Variants in DECR1 observed in about 807,000 individuals in gnomAD.
DECR1 encodes the protein 2,4-dienoyl-CoA reductase [(3E)-enoyl-CoA-producing], mitochondrial.
Under a neutral mutation model 38.8 loss-of-function variants are expected in DECR1, and 44 were observed. The observed-to-expected ratio is 1.13, with a 90% CI of 0.89 to 1.46. The LOEUF is 1.46. Among genes scored for constraint, DECR1 ranks in the 40% most tolerant of loss-of-function variants. The probability of loss-of-function intolerance (pLI) is 0.00; values close to 1 mark genes in which losing one functional copy is unlikely to be tolerated. For missense variants in DECR1, 428 were observed against 405.5 expected (o/e 1.06, Z -0.48); for synonymous variants, 148 against 135.2 (o/e 1.09, Z -0.66).
chr8:90,010,151 C>G (rs1314730929), intron 1 of DECR1, among the ~76,000 whole-genome samples: 1 of 152,162 alleles, frequency 6.6e-6, no homozygotes, highest in Non-Finnish European at 1.5e-5. Flanking sequence ...TATCAGTGGC[C>G]TCTGTTCAGT....
rs57505716 is a variant in DECR1, at chr8:90,013,399, G to GTTTTTTTT, written c.70-3709_70-3702dup. On this transcript the variant is annotated intron_variant, in intron 1 of 9. Transcript: ENST00000220764. ...AAATAAAAGCCTTGCCTCTTCTTTC[G>GTTTTTTTT]TTTTTTTTTTTTTTTTTTTTTTTGT... Among the ~76,000 whole-genome samples the GTTTTTTTT allele has an allele frequency of 5.9e-3, 459 of 77,972 alleles. 2 individuals are homozygous for GTTTTTTTT. Among genetic ancestry groups the GTTTTTTTT allele is most frequent in the African/African-American group, 0.015 (307 of 20,146 alleles). The allele number at this position is 77,972 out of a possible 152,430, so 51.2% of individuals were successfully genotyped here.
intron 1 of DECR1, among the ~76,000 whole-genome samples, chr8:90,002,229 C>T (rs969749582): frequency 1.3e-5 from 2 of 152,140 alleles, no homozygotes; most frequent in African/African-American, 4.8e-5. Flanking sequence ...TGACCTTTGA[C>T]GTCCTTTGTT....
intron 1 of DECR1, 137 bp from the exon 2 acceptor site, chr8:90,016,987 C>T (rs1293759662): frequency 9.4e-6 from 6 of 636,938 alleles, no homozygotes; most frequent in Admixed American, 2.9e-5. Flanking sequence ...TAATTAAGTA[C>T]AATACCAATA....
At chr8:90,005,540 G>C (rs983454867) in intron 1 of DECR1, 13 of 427,718 alleles carry the variant, frequency 3.0e-5, no homozygotes, top group African/African-American at 8.1e-5. Flanking sequence ...TCCCGAAGTA[G>C]GCGGACTTAC....
chr8:90,042,754 A>G lies in DECR1; in HGVS notation c.692A>G (p.Tyr231Cys). The G allele has an allele frequency of 1.9e-6, 3 of 1,613,612 alleles. No individual in the cohort carries two copies. Among genetic ancestry groups the G allele is most frequent in the Non-Finnish European group, 2.5e-6 (3 of 1,179,646 alleles). ...TCTCTTGCAGCTGAATGGGGTAAAT[A>G]TGGAATGCGATTCAATGTGATTCAA... is the stretch of plus-strand genomic sequence containing the variant. ...SKSLAAEWGK[Y>C]GMRFNVIQPG... Residue 231 changes from tyrosine (Y) to cysteine (C), a missense_variant, in exon 7 of 10, where the codon TAT becomes TGT. By Grantham distance (194) the Tyr-to-Cys change is radical. Transcript: ENST00000220764.
chr8:90,040,996 G>C (rs1487746734), intron 6 of DECR1, among the ~76,000 whole-genome samples: 4 of 152,124 alleles, frequency 2.6e-5, no homozygotes, highest in African/African-American at 2.4e-5. Context: ...CCCAGTAATG[G>C]GATGGCTGGG....
chr8:90,010,930 C>T (rs1430749200), intron 1 of DECR1, among the ~76,000 whole-genome samples: 1 of 151,908 alleles, frequency 6.6e-6, no homozygotes, highest in African/African-American at 2.4e-5. Context: ...ATTCAGTTTT[C>T]TGTTAGCTAT....
chr8:90,030,912 G>A (rs566388124), intron 5 of DECR1, among the ~76,000 whole-genome samples: 67 of 152,172 alleles, frequency 4.4e-4, no homozygotes, highest in Non-Finnish European at 7.4e-4. Flanking sequence ...TGATGGGAGA[G>A]TTCAACCTCA....
chr8:90,006,860 G>A (rs1383985205), intron 1 of DECR1, among the ~76,000 whole-genome samples: 2 of 152,176 alleles, frequency 1.3e-5, no homozygotes, highest in African/African-American at 4.8e-5. Flanking sequence ...AATGTATGGG[G>A]TAAGATGAAG....
intron 8 of DECR1, among the ~76,000 whole-genome samples, chr8:90,051,196 G>T (rs1814080572): frequency 1.3e-5 from 2 of 151,516 alleles, no homozygotes; most frequent in Admixed American, 1.3e-4. Flanking sequence ...AAGAAAAGAG[G>T]TTTAATTGAT....
At chr8:90,025,935 C>T (rs568919807) in intron 5 of DECR1, among the ~76,000 whole-genome samples, 6 of 152,022 alleles carry the variant, frequency 3.9e-5, no homozygotes, top group East Asian at 3.9e-4. Flanking sequence ...GCATGAAGGG[C>T]GGTTGAATTT....
chr8:90,044,371 A>G (rs930346531), intron 7 of DECR1, among the ~76,000 whole-genome samples: 3 of 152,202 alleles, frequency 2.0e-5, no homozygotes, highest in African/African-American at 7.2e-5. Flanking sequence ...TTGTTTGGCC[A>G]ATTTAGTTGT....
At chr8:90,016,535 A>T (rs968457524) in intron 1 of DECR1, among the ~76,000 whole-genome samples, 8 of 152,132 alleles carry the variant, frequency 5.3e-5, no homozygotes, top group African/African-American at 1.9e-4. Flanking sequence ...TCTACTCGGG[A>T]GGCTGAGGCA....
chr8:90,049,141 C>G (rs1482290246), intron 8 of DECR1, among the ~76,000 whole-genome samples: 1 of 152,184 alleles, frequency 6.6e-6, no homozygotes, highest in African/African-American at 2.4e-5. Flanking sequence ...CCTCTCTCAC[C>G]ACTCCTATTC....
At chr8:90,039,139 G>A (rs1386556297) in intron 6 of DECR1, among the ~76,000 whole-genome samples, 1 of 152,102 alleles carries the variant, frequency 6.6e-6, no homozygotes, top group Non-Finnish European at 1.5e-5. Flanking sequence ...TACTAAATAA[G>A]GCATTATAGG....
At chr8:90,014,209 T>C (rs1451785090) in intron 1 of DECR1, among the ~76,000 whole-genome samples, 4 of 152,222 alleles carry the variant, frequency 2.6e-5, no homozygotes, top group African/African-American at 7.2e-5. Context: ...TGAAAATCTT[T>C]AAAAGCCTGT....
At chr8:90,018,374 A>G (rs1244117251) in intron 2 of DECR1, among the ~76,000 whole-genome samples, 1 of 152,208 alleles carries the variant, frequency 6.6e-6, no homozygotes, top group Non-Finnish European at 1.5e-5. Flanking sequence ...CACCATTTTG[A>G]ATGGTGTAAA....
intron 5 of DECR1, among the ~76,000 whole-genome samples, chr8:90,024,537 A>T (rs1241064903): frequency 6.6e-6 from 1 of 152,006 alleles, no homozygotes; most frequent in Non-Finnish European, 1.5e-5. Context: ...TGTCTGTTCA[A>T]ATCCTTCGCC....
intron 5 of DECR1, among the ~76,000 whole-genome samples, chr8:90,030,954 C>T (rs1813479554): frequency 6.6e-6 from 1 of 151,914 alleles, no homozygotes; most frequent in African/African-American, 2.4e-5. Flanking sequence ...AACTGTGTAC[C>T]TTATTTTGAT....
Sources: allele counts gnomAD v4.1 joint callset (sites outside exome capture counted in the v4.1 genomes callset), GRCh38; gene constraint gnomAD v4.1.1; transcripts MANE v1.5; gene names NCBI Gene and HGNC (gene_info 2026-07-23, HGNC 2026-07-21).